The following SYTL5 variants were observed in gnomAD, a reference collection of about 807,000 sequenced individuals.
SYTL5 encodes the protein synaptotagmin like 5.
In SYTL5, 34 loss-of-function variants were observed where a neutral mutation model predicts 55.9. That is an observed-to-expected ratio of 0.61 (90% confidence interval 0.46 to 0.81). SYTL5 has a LOEUF of 0.81. Ranked by LOEUF, SYTL5 falls within the 30% of genes least tolerant of loss-of-function variation. SYTL5 has a pLI of 0.00. For missense variants in SYTL5, 637 were observed against 546.7 expected (o/e 1.17, Z -1.65); for synonymous variants, 221 against 188.7 (o/e 1.17, Z -1.40).
chrX:38,037,269 T>A, intron 2 of SYTL5, among the ~76,000 whole-genome samples: 1 of 111,530 alleles, frequency 9.0e-6, no homozygotes, highest in East Asian at 2.8e-4. Context: ...GGACTTCACC[T>A]AAAAATCACA....
rs185681487 is a variant in SYTL5, at chrX:38,110,312, C to T, written c.1435-9C>T. 306 of 1,180,975 alleles carry T rather than the reference C, an allele frequency of 2.6e-4. 2 individuals carry two copies. The East Asian group carries it at 7.1e-3, about 27-fold the overall frequency. On this transcript the variant is annotated splice_polypyrimidine_tract_variant and intron_variant, in intron 12 of 16. Transcript: ENST00000297875. ...TTGTGGAGTGTAATGTTGTAAATCT[C>T]ATTCGCAGTACACTATCAGCCATAC...
chrX:38,052,123 A>G (rs1935639310), intron 2 of SYTL5, among the ~76,000 whole-genome samples: 1 of 112,071 alleles, frequency 8.9e-6, no homozygotes, highest in South Asian at 3.7e-4. Context: ...AGGTCAAAGA[A>G]CTGAAAGCCC....
intron 15 of SYTL5, among the ~76,000 whole-genome samples, chrX:38,122,740 C>T (rs1457817183): frequency 8.9e-6 from 1 of 112,120 alleles, no homozygotes; most frequent in African/African-American, 3.2e-5. Flanking sequence ...AGGGCAGCTT[C>T]CTGAGGGAAT....
the SYTL5 span, among the ~76,000 whole-genome samples, chrX:38,001,173 A>G: frequency 9.0e-6 from 1 of 111,015 alleles, no homozygotes; most frequent in African/African-American, 3.3e-5. Context: ...CCCTCCTCCC[A>G]TATCAACATG....
chrX:38,014,961 G>A (rs1934303333), intron 1 of SYTL5, among the ~76,000 whole-genome samples: 1 of 112,003 alleles, frequency 8.9e-6, no homozygotes, highest in African/African-American at 3.2e-5. Context: ...AATAGAATGG[G>A]AGGCAGGTTT....
intron 1 of SYTL5, among the ~76,000 whole-genome samples, chrX:38,007,355 T>A (rs1297167607): frequency 1.8e-5 from 2 of 111,381 alleles, no homozygotes; most frequent in Admixed American, 1.9e-4. Flanking sequence ...GTTTAAAAAA[T>A]TTCTCCTTAA....
the SYTL5 span, among the ~76,000 whole-genome samples, chrX:37,892,761 T>C: frequency 9.2e-3 from 878 of 95,296 alleles, 10 homozygotes; most frequent in Middle Eastern, 0.033. Context: ...TATATAATTG[T>C]ATATACAGAT....
At chrX:38,055,383 A>C (rs1234259788) in intron 3 of SYTL5, among the ~76,000 whole-genome samples, 1 of 111,165 alleles carries the variant, frequency 9.0e-6, no homozygotes, top group East Asian at 2.9e-4. Context: ...AGTTCAGTTA[A>C]ACCAGTCTTA....
rs1406633605 is a variant in SYTL5 at position 38,072,180 on chromosome X, G to A, written c.445+18G>A. 4 of 1,124,429 alleles carry A rather than the reference G, an allele frequency of 3.6e-6. No individual in the cohort carries two copies. Among genetic ancestry groups the A allele is most frequent in the Middle Eastern group, 2.4e-4 (1 of 4,132 alleles). 92.7% of individuals were successfully genotyped at this position (1,124,429 alleles called of 1,213,427 possible). On this transcript the variant is annotated intron_variant, in intron 4 of 16. Transcript: ENST00000297875. Reference sequence around the variant, plus strand: ...AAGTCCAGGTAATTAAAGCAATTATGTGGTTTCACAACTGTTTTCATCTCC... The same window carrying A: ...AAGTCCAGGTAATTAAAGCAATTATATGGTTTCACAACTGTTTTCATCTCC...
the SYTL5 span, among the ~76,000 whole-genome samples, chrX:37,922,317 C>A: frequency 1.8e-5 from 2 of 111,239 alleles, no homozygotes; most frequent in East Asian, 5.7e-4. Context: ...GGAGAGCCTC[C>A]GAGGTAAAGA....
At chrX:37,999,195 G>A in the SYTL5 span, among the ~76,000 whole-genome samples, 2 of 112,323 alleles carry the variant, frequency 1.8e-5, no homozygotes, top group African/African-American at 6.5e-5. Flanking sequence ...ACCTGTTGCA[G>A]CCAATCAGTA....
the SYTL5 span, among the ~76,000 whole-genome samples, chrX:38,000,961 T>C: frequency 9.0e-6 from 1 of 111,588 alleles, no homozygotes; most frequent in African/African-American, 3.3e-5. Context: ...CTCCTCTTGA[T>C]GTCCAGCTGC....
chrX:37,962,778 A>G, the SYTL5 span, among the ~76,000 whole-genome samples: 1 of 112,077 alleles, frequency 8.9e-6, no homozygotes, highest in Non-Finnish European at 1.9e-5. Context: ...AACTGGTGCA[A>G]GATGGTATCT....
the SYTL5 span, chrX:37,949,406 G>GTAC: frequency 1.8e-5 from 2 of 111,739 alleles, no homozygotes; most frequent in African/African-American, 6.5e-5. Context: ...TGACATTGAG[G>GTAC]TACCTCCAAT....
chrX:37,971,022 C>G, the SYTL5 span, among the ~76,000 whole-genome samples: 1 of 112,202 alleles, frequency 8.9e-6, no homozygotes. Flanking sequence ...AAAGATTTCA[C>G]TTAAGTCACA....
chrX:38,000,486 G>A, the SYTL5 span, among the ~76,000 whole-genome samples: 10 of 112,442 alleles, frequency 8.9e-5, no homozygotes, highest in African/African-American at 2.6e-4. Context: ...AACCCCTAGC[G>A]GGAGCATGCA....
chrX:38,012,920 A>G (rs958486624), intron 1 of SYTL5, among the ~76,000 whole-genome samples: 1 of 112,200 alleles, frequency 8.9e-6, no homozygotes, highest in African/African-American at 3.2e-5. Context: ...TTTAAGTTGC[A>G]TATTTTGACT....
the SYTL5 span, among the ~76,000 whole-genome samples, chrX:37,950,379 C>T: frequency 8.2e-3 from 915 of 111,433 alleles, 8 homozygotes; most frequent in African/African-American, 0.028. Flanking sequence ...TAATTATTTG[C>T]TGAAAGTATT....
the SYTL5 span, among the ~76,000 whole-genome samples, chrX:37,936,968 T>G: frequency 2.8e-5 from 3 of 107,325 alleles, no homozygotes; most frequent in African/African-American, 1.0e-4. Context: ...GAGAATTGCT[T>G]GAACCCGGGA....
Sources: gnomAD v4.1 joint callset for allele counts (sites outside exome capture counted in the v4.1 genomes callset) on GRCh38, gnomAD v4.1.1 for gene constraint, MANE v1.5 for transcripts, NCBI Gene and HGNC (gene_info 2026-07-23, HGNC 2026-07-21) for gene names.